LINGO2: variants seen among roughly 807,000 people sequenced by gnomAD.
LINGO2 encodes the protein leucine rich repeat and Ig domain containing 2.
In LINGO2, 14 loss-of-function variants were observed where a neutral mutation model predicts 30.6. That is an observed-to-expected ratio of 0.46 (90% CI 0.30 to 0.72). LINGO2 has a LOEUF of 0.72. LINGO2 is among the 30% of genes least tolerant of loss of function. The pLI, the probability that LINGO2 is intolerant of heterozygous loss-of-function variation, is 0.07. For missense variants in LINGO2, 729 were observed against 751.7 expected (o/e 0.97, Z 0.35); for synonymous variants, 317 against 288.5 (o/e 1.10, Z -1.00).
chr9:28,024,989 G>C (rs1417159710), intron 4 of LINGO2, among the ~76,000 whole-genome samples: 1 of 152,162 alleles, frequency 6.6e-6, no homozygotes, highest in Non-Finnish European at 1.5e-5. Context: ...GCACCCGGGC[G>C]AGATCATTGT....
chr9:28,710,290 C>T, the LINGO2 span, among the ~76,000 whole-genome samples: 1 of 151,928 alleles, frequency 6.6e-6, no homozygotes, highest in East Asian at 1.9e-4. Context: ...GCCAAATCTA[C>T]CAGTGTCTTG....
the LINGO2 span, among the ~76,000 whole-genome samples, chr9:29,179,485 A>G: frequency 6.6e-6 from 1 of 151,758 alleles, no homozygotes; most frequent in African/African-American, 2.4e-5. Flanking sequence ...GCTCACTGCA[A>G]CCTCCGTTTC....
At chr9:29,078,497 A>G in the LINGO2 span, among the ~76,000 whole-genome samples, 1 of 151,952 alleles carries the variant, frequency 6.6e-6, no homozygotes, top group Non-Finnish European at 1.5e-5. Context: ...TTTGACTTGA[A>G]TAAACCTTGA....
intron 1 of LINGO2, among the ~76,000 whole-genome samples, chr9:28,569,389 A>G (rs982799861): frequency 5.4e-5 from 8 of 149,408 alleles, no homozygotes; most frequent in African/African-American, 2.0e-4. Flanking sequence ...AATAACATAA[A>G]TTCCTAGACA....
At chr9:28,404,741 T>C (rs550533260) in intron 2 of LINGO2, among the ~76,000 whole-genome samples, 1 of 152,326 alleles carries the variant, frequency 6.6e-6, no homozygotes, top group East Asian at 1.9e-4. Context: ...CTCTTTATTG[T>C]AATCTCACTT....
At chr9:28,190,860 T>C (rs1224507425) in intron 4 of LINGO2, among the ~76,000 whole-genome samples, 1 of 152,190 alleles carries the variant, frequency 6.6e-6, no homozygotes, top group Non-Finnish European at 1.5e-5. Flanking sequence ...AACATCTAAA[T>C]TTTAAAGATG....
intron 4 of LINGO2, among the ~76,000 whole-genome samples, chr9:28,179,188 A>G (rs1328093054): frequency 1.4e-5 from 2 of 141,984 alleles, no homozygotes; most frequent in Non-Finnish European, 3.1e-5. Flanking sequence ...CATAGCTAAT[A>G]GCATCTCTAA....
chr9:28,228,779 TTAATA>T (rs575845975), intron 4 of LINGO2, among the ~76,000 whole-genome samples: 49 of 151,790 alleles, frequency 3.2e-4, no homozygotes, highest in South Asian at 1.9e-3. Flanking sequence ...AAATAATACT[TTAATA>T]TAATAATTTA....
intron 4 of LINGO2, among the ~76,000 whole-genome samples, chr9:28,074,293 A>T (rs1825561959): frequency 6.6e-6 from 1 of 152,222 alleles, no homozygotes. Flanking sequence ...TTGATAATTT[A>T]GCAGCTAATA....
the LINGO2 span, among the ~76,000 whole-genome samples, chr9:28,747,069 C>T: frequency 6.6e-6 from 1 of 151,922 alleles, no homozygotes; most frequent in East Asian, 1.9e-4. Flanking sequence ...TGAGAACAGG[C>T]ATTCCTGTTT....
At position 28,427,979 on chromosome 9, in the gene LINGO2, AAACAGTATC is replaced by A. The variant is rs961074586; in HGVS notation, c.-279+47952_-279+47960del. 5.3e-3 allele frequency among the ~76,000 whole-genome samples: 812 copies of A among 152,290 alleles called. 12 individuals are homozygous for A. The highest frequency in any genetic ancestry group is 0.019 in the African/African-American group (776 of 41,558). ...TCTAGATCTTATTCTTTATTTCTGT[AAACAGTATC>A]ACATCTGTTTCCTTTGCAGAGTCTC... On this transcript the variant is annotated intron_variant, in intron 2 of 5. Coordinates refer to ENST00000379992, the Ensembl canonical transcript of LINGO2.
At chr9:28,657,386 T>A (rs183694264) in intron 1 of LINGO2, among the ~76,000 whole-genome samples, 3 of 152,198 alleles carry the variant, frequency 2.0e-5, no homozygotes, top group Non-Finnish European at 2.9e-5. Context: ...CGGGCTTTTT[T>A]ATTTTTTTCC....
chr9:28,289,445 T>C (rs530189908), intron 4 of LINGO2, among the ~76,000 whole-genome samples: 1 of 152,326 alleles, frequency 6.6e-6, no homozygotes, highest in East Asian at 1.9e-4. Context: ...AGTTTTGCGT[T>C]ATAATACTTG....
chr9:28,064,326 T>C (rs1029544815), intron 4 of LINGO2, among the ~76,000 whole-genome samples: 2 of 152,164 alleles, frequency 1.3e-5, no homozygotes, highest in Non-Finnish European at 2.9e-5. Context: ...AATCATCTTC[T>C]GCAGTAAAAC....
intron 3 of LINGO2, among the ~76,000 whole-genome samples, chr9:28,298,674 AC>A (rs1354671132): frequency 2.1e-5 from 3 of 144,294 alleles, no homozygotes; most frequent in Non-Finnish European, 3.0e-5. Flanking sequence ...CAAGAGCAAA[AC>A]TCTGTCTCAA....
chr9:28,172,500 T>C (rs1828632316), intron 4 of LINGO2, among the ~76,000 whole-genome samples: 1 of 152,244 alleles, frequency 6.6e-6, no homozygotes. Context: ...TTATTGTCAT[T>C]TTAAACATCT....
At chr9:27,989,344 A>G (rs973902244) in intron 5 of LINGO2, among the ~76,000 whole-genome samples, 1 of 151,956 alleles carries the variant, frequency 6.6e-6, no homozygotes, top group East Asian at 1.9e-4. Flanking sequence ...AATATAAGAT[A>G]CATTCAGATG....
chr9:28,639,431 C>G (rs1236597252), intron 1 of LINGO2, among the ~76,000 whole-genome samples: 1 of 151,858 alleles, frequency 6.6e-6, no homozygotes, highest in Admixed American at 6.6e-5. Context: ...GTTAAAGTCT[C>G]CCATTATTAT....
At chr9:28,278,840 T>C (rs1311181269) in intron 4 of LINGO2, among the ~76,000 whole-genome samples, 1 of 152,216 alleles carries the variant, frequency 6.6e-6, no homozygotes, top group African/African-American at 2.4e-5. Context: ...TGTAAGGCTA[T>C]AGCTCCATAG....
Sources: allele counts gnomAD v4.1 joint callset (sites outside exome capture counted in the v4.1 genomes callset), GRCh38; gene constraint gnomAD v4.1.1; transcripts MANE v1.5; gene names NCBI Gene and HGNC (gene_info 2026-07-23, HGNC 2026-07-21).